Variants in IMPA2 observed in about 807,000 individuals in gnomAD.
IMPA2 encodes the protein inositol monophosphatase 2, also known as IMP 2.
IMPA2 carries 32 observed loss-of-function variants against 35.1 expected under a neutral mutation model. The ratio of observed to expected loss-of-function variants is 0.91; its 90% confidence interval spans 0.69 to 1.23. The LOEUF (loss-of-function observed/expected upper bound fraction) is 1.23. IMPA2 is among the 50% of genes most tolerant of loss of function. IMPA2 has a pLI of 0.00. For missense variants in IMPA2, 334 were observed against 387.6 expected (o/e 0.86, Z 1.16); for synonymous variants, 135 against 160.6 (o/e 0.84, Z 1.20).
At chr18:12,000,179 T>C (rs1907076036) in intron 2 of IMPA2, among the ~76,000 whole-genome samples, 1 of 152,076 alleles carries the variant, frequency 6.6e-6, no homozygotes, top group Non-Finnish European at 1.5e-5. Context: ...TTTATTTTTA[T>C]ATATTTTTTA....
intron 1 of IMPA2, among the ~76,000 whole-genome samples, chr18:11,992,436 G>T (rs1293701855): frequency 6.6e-6 from 1 of 152,226 alleles, no homozygotes; most frequent in Non-Finnish European, 1.5e-5. Context: ...TGGCATAAAG[G>T]TCGGATGGGG....
chr18:12,007,413 T>G (rs1270976681), intron 2 of IMPA2, among the ~76,000 whole-genome samples: 1 of 152,114 alleles, frequency 6.6e-6, no homozygotes, highest in Non-Finnish European at 1.5e-5. Context: ...TTTCAGTCTT[T>G]CCATTCACAC....
chr18:12,008,644 CGT>C (rs1907346770), intron 2 of IMPA2: 1 of 436,466 alleles, frequency 2.3e-6, no homozygotes, highest in Non-Finnish European at 4.6e-6. Context: ...TGTGGGCCTG[CGT>C]GTGGGTGGGG....
At chr18:12,027,987 C>A in intron 5 of IMPA2, 56 bp from the exon 6 acceptor site, 1 of 1,157,626 alleles carries the variant, frequency 8.6e-7, no homozygotes, top group Non-Finnish European at 1.3e-6. Flanking sequence ...GCCTGTACTC[C>A]TTAGTTAGAA....
rs751350184 is a variant in IMPA2, at chr18:11,999,170, G to A, written c.213G>A (p.Glu71=). 2 of 1,613,710 alleles carry A rather than the reference G, an allele frequency of 1.2e-6. No individual in the cohort carries two copies. The highest frequency in any genetic ancestry group is 2.2e-5 in the South Asian group (2 of 91,056). The change falls in exon 2 of 8, where the codon GAG becomes GAA. Residue 71 remains glutamate, a synonymous_variant. Coordinates refer to ENST00000269159, the MANE Select transcript of IMPA2 (RefSeq NM_014214.3). The stretch of plus-strand genomic sequence containing the variant: ...ATTTAATTATTTCTGAGTTGCGAGA[G>A]AGGTTTCCTTCACACAGGTAGGTGT... ...VEDLIISELR[E]RFPSHRFIAE...
At position 12,030,524 on chromosome 18, in the gene IMPA2, C is replaced by G; in HGVS notation, c.*66C>G. On this transcript the variant is annotated 3_prime_UTR_variant, in exon 8 of 8. Transcript: ENST00000269159. ...TGCTGTGGGCTCCTGGGGAGGTGGC[C>G]CTCGTGGCCCACGCTCCATGCCAGT... The G allele has an allele frequency of 7.7e-7, 1 of 1,300,200 alleles. No homozygotes were observed. The highest frequency in any genetic ancestry group is 1.1e-6 in the Non-Finnish European group (1 of 898,684). The allele number at this position is 1,300,200 out of a possible 1,614,324, so 80.5% of individuals were successfully genotyped here.
At chr18:12,019,809 A>G (rs972027587) in intron 5 of IMPA2, among the ~76,000 whole-genome samples, 5 of 152,130 alleles carry the variant, frequency 3.3e-5, no homozygotes, top group African/African-American at 1.2e-4. Flanking sequence ...ACCACTCCTC[A>G]GGAGAGCTCT....
chr18:12,027,465 G>A (rs559396795), intron 5 of IMPA2, among the ~76,000 whole-genome samples: 5 of 152,008 alleles, frequency 3.3e-5, no homozygotes, highest in African/African-American at 9.7e-5. Context: ...CTATCGTTGC[G>A]ATTGCAGCAG....
chr18:11,990,414 A>C (rs1906781421), intron 1 of IMPA2, among the ~76,000 whole-genome samples: 1 of 151,978 alleles, frequency 6.6e-6, no homozygotes, highest in Admixed American at 6.6e-5. Flanking sequence ...GGGGAGAGAG[A>C]AGAGGAGGGG....
At chr18:12,015,702 C>T (rs1444760578) in intron 5 of IMPA2, among the ~76,000 whole-genome samples, 1 of 152,236 alleles carries the variant, frequency 6.6e-6, no homozygotes, top group East Asian at 1.9e-4. Context: ...GGCCCTGCCT[C>T]ACCTTCCCTC....
Position 12,010,040 on chromosome 18 carries a change from T to G in IMPA2, c.335+53T>G. 1 of 1,388,640 alleles carries G rather than the reference T, an allele frequency of 7.2e-7. No individual in the cohort carries two copies. 86.0% of individuals were successfully genotyped at this position (1,388,640 alleles called of 1,614,324 possible). Reference sequence around the variant, plus strand: ...GCAGGGCTTAACATGTCCTCTTCTGTGAGGTTTTGTCTTTTCAAAAGCAGC... The same window carrying G: ...GCAGGGCTTAACATGTCCTCTTCTGGGAGGTTTTGTCTTTTCAAAAGCAGC... On this transcript the variant is annotated intron_variant, in intron 3 of 7. Transcript: ENST00000269159. The surrounding 1 kb of genome is among the most constrained non-coding windows in gnomAD (Gnocchi z 4.8).
rs1232736356 is a variant in IMPA2 at position 12,030,353 on chromosome 18, C to T, written c.762C>T (p.Leu254=). 2.2e-5 allele frequency: 35 copies of T among 1,614,018 alleles called. No homozygotes were observed. The highest frequency in any genetic ancestry group is 2.8e-5 in the Non-Finnish European group (33 of 1,179,948). The change falls in exon 8 of 8, where the codon CTC becomes CTT. Residue 254 remains leucine (L), a synonymous_variant. Coordinates refer to ENST00000269159, the MANE Select transcript of IMPA2 (RefSeq NM_014214.3). The part of the protein sequence containing the change: ...GIVIDTSGGP[L]DLMACRVVAA... ...TCTGTCTGTCCCCAGGTGGACCCCT[C>T]GACCTCATGGCTTGCAGAGTGGTTG...
At chr18:12,009,208 T>C (rs1907363214) in intron 2 of IMPA2, among the ~76,000 whole-genome samples, 2 of 152,226 alleles carry the variant, frequency 1.3e-5, no homozygotes, top group South Asian at 4.2e-4. Flanking sequence ...ATCCAGGAGT[T>C]TGAGGCTGCA....
intron 1 of IMPA2, among the ~76,000 whole-genome samples, chr18:11,983,081 C>T (rs916511392): frequency 7.2e-5 from 11 of 152,238 alleles, no homozygotes; most frequent in Admixed American, 2.6e-4. Flanking sequence ...AAGGGCCTTC[C>T]TTCCCTTTGT....
chr18:12,010,096 C>G lies in IMPA2; in HGVS notation c.335+109C>G. 1 of 707,608 alleles carries G rather than the reference C, an allele frequency of 1.4e-6. No homozygotes were observed. The highest frequency in any genetic ancestry group is 2.5e-6 in the Non-Finnish European group (1 of 402,224). The allele number at this position is 707,608 out of a possible 1,614,324, so 43.8% of individuals were successfully genotyped here. ...TTAAGGCAGGAATATATAAACAAAC[C>G]TATAGTACACTCATAGTCTCATCAG... On this transcript the variant is annotated intron_variant, in intron 3 of 7. Coordinates refer to ENST00000269159, the MANE Select transcript of IMPA2 (RefSeq NM_014214.3). This position sits in a 1 kb window ranked among gnomAD's most constrained non-coding sequence, Gnocchi z 4.8.
At chr18:12,015,936 A>C (rs1272755116) in intron 5 of IMPA2, among the ~76,000 whole-genome samples, 1 of 152,156 alleles carries the variant, frequency 6.6e-6, no homozygotes, top group East Asian at 1.9e-4. Flanking sequence ...GTCAGGCTGC[A>C]ACTCTGCGTC....
chr18:11,981,680 G>A lies in IMPA2; in HGVS notation c.11G>A (p.Ser4Asn), dbSNP rs973618989. The change falls in exon 1 of 8, where the codon AGC (serine) becomes AAC (asparagine). Residue 4 changes from serine (S) to asparagine (N), a missense_variant. Physicochemically the swap from Ser to Asn is conservative, Grantham distance 46. Transcript: ENST00000269159. ...CCCGGCGAGGCCGCGATGAAGCCGA[G>A]CGGCGAGGACCAGGCGGCGCTGGCG... MKPSGEDQAALAAG... is the reference protein window; with the variant it reads MKPNGEDQAALAAG... 3.3e-6 allele frequency: 4 copies of A among 1,230,536 alleles called. No individual in the cohort carries two copies. The highest frequency in any genetic ancestry group is 4.1e-6 in the Non-Finnish European group (4 of 986,784). 76.2% of individuals were successfully genotyped at this position (1,230,536 alleles called of 1,614,324 possible). A position where few individuals can be genotyped will look rare whatever the true frequency, so the allele number is the denominator to read the frequency against.
At chr18:11,987,890 G>A (rs1365244382) in intron 1 of IMPA2, among the ~76,000 whole-genome samples, 1 of 151,944 alleles carries the variant, frequency 6.6e-6, no homozygotes, top group East Asian at 1.9e-4. Context: ...CATGTGGTAT[G>A]GTCTGTCTTT....
chr18:11,993,293 C>T (rs1164844736), intron 1 of IMPA2, among the ~76,000 whole-genome samples: 1 of 152,226 alleles, frequency 6.6e-6, no homozygotes, highest in African/African-American at 2.4e-5. Context: ...TGTTATGAAA[C>T]TGCTGAAAAC....
Sources: allele counts gnomAD v4.1 joint callset (sites outside exome capture counted in the v4.1 genomes callset), GRCh38; gene constraint gnomAD v4.1.1; non-coding constraint Gnocchi (gnomAD v3.1); transcripts MANE v1.5; gene names NCBI Gene and HGNC (gene_info 2026-07-23, HGNC 2026-07-21).